Variants in PDE4D observed in about 807,000 individuals in gnomAD.
PDE4D encodes the protein phosphodiesterase 4D.
In PDE4D, 24 loss-of-function variants were observed where a neutral mutation model predicts 87.4. That is an observed-to-expected ratio of 0.27 (90% CI 0.20 to 0.39). The LOEUF (loss-of-function observed/expected upper bound fraction) is 0.39. Among genes scored for constraint, PDE4D ranks in the 10% least tolerant of loss-of-function variants. PDE4D has a pLI of 1.00. For synonymous variants in PDE4D, 384 were observed against 383.2 expected (o/e 1.00, Z -0.02); for missense variants, 714 against 1,041.0 (o/e 0.69, Z 4.32).
At chr5:59,972,357 A>T (rs1248828355) in intron 3 of PDE4D, among the ~76,000 whole-genome samples, 1 of 152,154 alleles carries the variant, frequency 6.6e-6, no homozygotes, top group Non-Finnish European at 1.5e-5. Context: ...TTGACTTCTC[A>T]TCCCCCCAGC....
intron 5 of PDE4D, among the ~76,000 whole-genome samples, chr5:59,114,735 A>G (rs766662434): frequency 6.6e-6 from 1 of 152,146 alleles, no homozygotes; most frequent in Non-Finnish European, 1.5e-5. Context: ...AGAGGGATAC[A>G]CTGGCAATTG....
At chr5:59,259,492 G>C (rs557742691) in intron 1 of PDE4D, among the ~76,000 whole-genome samples, 1 of 151,716 alleles carries the variant, frequency 6.6e-6, no homozygotes, top group Admixed American at 6.6e-5. Flanking sequence ...ATGATACCAA[G>C]GTTTAAAACT....
intron 2 of PDE4D, among the ~76,000 whole-genome samples, chr5:60,056,201 T>C (rs796840050): frequency 5.3e-5 from 8 of 152,180 alleles, no homozygotes; most frequent in African/African-American, 1.9e-4. Context: ...ATATTGGGTC[T>C]CCCTTGAATG....
At chr5:59,001,540 C>G (rs1417706842) in intron 6 of PDE4D, among the ~76,000 whole-genome samples, 1 of 152,182 alleles carries the variant, frequency 6.6e-6, no homozygotes, top group Non-Finnish European at 1.5e-5. Flanking sequence ...AAAGCTACCC[C>G]CAGAGGAATA....
intron 2 of PDE4D, among the ~76,000 whole-genome samples, chr5:59,990,983 C>T (rs1473620635): frequency 6.6e-6 from 1 of 152,194 alleles, no homozygotes; most frequent in Admixed American, 6.5e-5. Flanking sequence ...CACCATGCTG[C>T]ACTACCTTAA....
chr5:58,999,843 C>T, intron 6 of PDE4D: 1 of 989,420 alleles, frequency 1.0e-6, no homozygotes, highest in Non-Finnish European at 1.2e-6. Context: ...ATCTTTCTCT[C>T]CCGAGCTCCA....
At chr5:59,065,049 G>T in intron 5 of PDE4D, among the ~76,000 whole-genome samples, 1 of 134,656 alleles carries the variant, frequency 7.4e-6, no homozygotes, top group Admixed American at 7.5e-5. Context: ...AATGGACAAA[G>T]GAAATGTGAT....
intron 1 of PDE4D, among the ~76,000 whole-genome samples, chr5:60,292,445 C>T (rs1002874700): frequency 6.6e-6 from 1 of 152,196 alleles, no homozygotes; most frequent in African/African-American, 2.4e-5. Context: ...TTGTACTTAG[C>T]TCTGCCAAGA....
At chr5:58,982,580 T>C (rs563918309) in intron 11 of PDE4D, among the ~76,000 whole-genome samples, 10 of 152,316 alleles carry the variant, frequency 6.6e-5, no homozygotes, top group Admixed American at 5.9e-4. Context: ...CTTTCCACCA[T>C]GGAAGTGGTC....
At chr5:60,037,778 T>C (rs1767970436) in intron 2 of PDE4D, among the ~76,000 whole-genome samples, 1 of 152,206 alleles carries the variant, frequency 6.6e-6, no homozygotes, top group Non-Finnish European at 1.5e-5. Flanking sequence ...AGTTCTGAAA[T>C]ATGGAACATA....
At position 60,043,956 on chromosome 5, in the gene PDE4D, T is replaced by C. The variant is rs573851090; in HGVS notation, c.43-55239A>G. ...TCACGCTACCTTCTTCTTTCTTGCA[T>C]GGTTGCCAATGAGATTTCTGATGTA... On this transcript the variant is annotated intron_variant, in intron 2 of 16. Transcript: ENST00000502484. Among the ~76,000 whole-genome samples, 7 of 152,314 alleles carry C rather than the reference T, an allele frequency of 4.6e-5. No homozygotes were observed. In the South Asian group the frequency reaches 8.3e-4, roughly 18 times the overall value.
intron 6 of PDE4D, among the ~76,000 whole-genome samples, chr5:59,010,317 T>C (rs1324065734): frequency 1.3e-5 from 2 of 152,102 alleles, no homozygotes; most frequent in African/African-American, 4.8e-5. Context: ...ACAGAGATTC[T>C]GTCTCCAAAA....
chr5:59,837,123 C>T (rs1390137684), intron 1 of PDE4D, among the ~76,000 whole-genome samples: 1 of 152,036 alleles, frequency 6.6e-6, no homozygotes, highest in East Asian at 1.9e-4. Context: ...CACCCAGGCT[C>T]ATTCTAACCC....
At chr5:60,070,080 T>C (rs1772541612) in intron 2 of PDE4D, among the ~76,000 whole-genome samples, 1 of 152,130 alleles carries the variant, frequency 6.6e-6, no homozygotes, top group African/African-American at 2.4e-5. Context: ...GTTTCTTAAT[T>C]GAATCTTCAG....
intron 2 of PDE4D, among the ~76,000 whole-genome samples, chr5:60,152,509 C>T (rs1446498639): frequency 6.6e-6 from 1 of 151,958 alleles, no homozygotes; most frequent in East Asian, 1.9e-4. Context: ...AAAAATTAGC[C>T]TGGCGTGGTG....
chr5:60,493,757 C>T (rs1195292663), intron 1 of PDE4D, among the ~76,000 whole-genome samples: 2 of 152,144 alleles, frequency 1.3e-5, no homozygotes, highest in Admixed American at 1.3e-4. Flanking sequence ...AATGCAGCCC[C>T]TCTGACTGCA....
intron 2 of PDE4D, among the ~76,000 whole-genome samples, chr5:60,120,701 C>A (rs766844528): frequency 6.6e-6 from 1 of 152,060 alleles, no homozygotes; most frequent in Admixed American, 6.6e-5. Flanking sequence ...TACTGCCTGG[C>A]GAAGTTTATA....
At chr5:60,108,855 C>T (rs540127669) in intron 2 of PDE4D, among the ~76,000 whole-genome samples, 1,747 of 151,786 alleles carry the variant, frequency 0.012, 13 homozygotes, top group Non-Finnish European at 0.019. Context: ...ATACAAAAAT[C>T]AATTCAAGAT....
chr5:59,999,711 TCAA>T (rs750195684), intron 2 of PDE4D, among the ~76,000 whole-genome samples: 21 of 151,068 alleles, frequency 1.4e-4, no homozygotes, highest in Non-Finnish European at 2.5e-4. Flanking sequence ...CATGACACAA[TCAA>T]AGGAACAAAA....
Sources: allele counts gnomAD v4.1 joint callset (sites outside exome capture counted in the v4.1 genomes callset), GRCh38; gene constraint gnomAD v4.1.1; transcripts MANE v1.5; gene names NCBI Gene and HGNC (gene_info 2026-07-23, HGNC 2026-07-21).